NFIC: variants seen among roughly 807,000 people sequenced by gnomAD.
NFIC encodes nuclear factor 1 C-type.
NFIC carries 12 observed loss-of-function variants against 54.4 expected under a neutral mutation model. The ratio of observed to expected loss-of-function variants is 0.22; its 90% CI spans 0.14 to 0.36. The LOEUF (loss-of-function observed/expected upper bound fraction) is 0.36. Among genes scored for constraint, NFIC ranks in the 10% least tolerant of loss-of-function variants. The pLI is 1.00. For missense variants in NFIC, 575 were observed against 718.2 expected (o/e 0.80, Z 2.28); for synonymous variants, 322 against 319.2 (o/e 1.01, Z -0.09).
chr19:3,460,808 C>G (rs1278134636), intron 10 of NFIC, among the ~76,000 whole-genome samples: 2 of 152,050 alleles, frequency 1.3e-5, no homozygotes, highest in Admixed American at 6.5e-5. Context: ...GCCACCGAGC[C>G]CAGCCTCTTG....
chr19:3,464,899 G>A lies in NFIC; in HGVS notation c.*2130G>A, dbSNP rs2082696398. 5.8e-6 allele frequency: 1 copy of A among 172,760 alleles called. No homozygotes were observed. Among genetic ancestry groups the A allele is most frequent in the African/African-American group, 2.4e-5 (1 of 41,724 alleles). The allele number at this position is 172,760 out of a possible 1,614,324, so 10.7% of individuals were successfully genotyped here. On this transcript the variant is annotated 3_prime_UTR_variant, in exon 11 of 11. Transcript: ENST00000443272. ...GGGCGGGGGAGGGGGTGGTCGGGTT[G>A]TGCCATTGGGGTGTCCGGAAGCTTC...
rs563036209 is a variant in NFIC, at chr19:3,385,035, C to T, written c.562+2792C>T. On this transcript the variant is annotated intron_variant, in intron 2 of 10. Coordinates refer to ENST00000443272, the MANE Select transcript of NFIC (RefSeq NM_001245002.2). Reference sequence around the variant, plus strand: ...CTCCCCACCCCCACCCTGCCCCTCCCGCCTCTGCTCAGCAGGCAGGCCTGT... The same window carrying T: ...CTCCCCACCCCCACCCTGCCCCTCCTGCCTCTGCTCAGCAGGCAGGCCTGT... Among the ~76,000 whole-genome samples, 845 of 150,766 alleles carry T rather than the reference C, an allele frequency of 5.6e-3. 10 individuals carry two copies. Among genetic ancestry groups the T allele is most frequent in the African/African-American group, 0.02 (810 of 40,820 alleles).
intron 2 of NFIC, among the ~76,000 whole-genome samples, chr19:3,402,285 G>A (rs1346135574): frequency 6.6e-6 from 1 of 152,114 alleles, no homozygotes; most frequent in Non-Finnish European, 1.5e-5. Flanking sequence ...CTGACCTCAG[G>A]TGATCCACCC....
chr19:3,464,704 C>T lies in NFIC; in HGVS notation c.*1935C>T, dbSNP rs1041540813. 39 of 985,170 alleles carry T rather than the reference C, an allele frequency of 4.0e-5. No homozygotes were observed. The highest frequency in any genetic ancestry group is 4.6e-5 in the Non-Finnish European group (38 of 830,076). 61.0% of individuals were successfully genotyped at this position (985,170 alleles called of 1,614,324 possible). On this transcript the variant is annotated 3_prime_UTR_variant, in exon 11 of 11. Coordinates refer to ENST00000443272, the MANE Select transcript of NFIC (RefSeq NM_001245002.2). ...TCCCAAACTAGCCTCAGGAGCTTGG[C>T]GAACCCGCTCGCTCCTAAAGAGAAA...
At chr19:3,362,377 T>C (rs998052518), upstream of NFIC, among the ~76,000 whole-genome samples, 1 of 151,132 alleles carries the variant, frequency 6.6e-6, no homozygotes, top group Non-Finnish European at 1.5e-5. Context: ...GTTGGGAGGG[T>C]GTGTTTGTGG....
chr19:3,365,582 T>C (rs2080869571), upstream of NFIC, among the ~76,000 whole-genome samples: 1 of 152,146 alleles, frequency 6.6e-6, no homozygotes, highest in Non-Finnish European at 1.5e-5. Context: ...GAATGTGGGC[T>C]CCAGGTCCAG....
At position 3,452,766 on chromosome 19, in the gene NFIC, T is replaced by C; in HGVS notation, c.1269+100T>C. 7.1e-7 allele frequency: 1 copy of C among 1,404,144 alleles called. No homozygotes were observed. Among genetic ancestry groups the C allele is most frequent in the Non-Finnish European group, 9.6e-7 (1 of 1,047,106 alleles). The allele number at this position is 1,404,144 out of a possible 1,614,324, so 87.0% of individuals were successfully genotyped here. On this transcript the variant is annotated intron_variant, in intron 8 of 10. Coordinates refer to ENST00000443272, the MANE Select transcript of NFIC (RefSeq NM_001245002.2). The surrounding 1 kb of genome is among the most constrained non-coding windows in gnomAD (Gnocchi z 5.3). ...AAGGCACAACCTCTGCTTAAAAGGGTCTTGAGGACTTGGCTCTGAAGTCCC... is the reference window on the plus strand; with the variant it reads ...AAGGCACAACCTCTGCTTAAAAGGGCCTTGAGGACTTGGCTCTGAAGTCCC...
chr19:3,397,682 C>T (rs1327284378), intron 2 of NFIC, among the ~76,000 whole-genome samples: 1 of 58,156 alleles, frequency 1.7e-5, no homozygotes, highest in African/African-American at 3.2e-5. Context: ...GTGGCGGCAA[C>T]GGGGCAGCTG....
intron 5 of NFIC, 101 bp from the exon 6 acceptor site, chr19:3,434,982 G>GC (rs1324223329): frequency 1.4e-5 from 19 of 1,393,596 alleles, no homozygotes; most frequent in Admixed American, 2.6e-5. Flanking sequence ...TACCTCCCTC[G>GC]CCCCCGCTCA....
Position 3,366,636 on chromosome 19 carries a change from G to A in NFIC, c.-1G>A, listed in dbSNP as rs1322536444. ...GCCCTGCGCCTCCCGCCGCGCCCGG[G>A]ATGTATTCGTCCCCGCTCTGCCTCA... is the stretch of plus-strand genomic sequence containing the variant. On this transcript the variant is annotated 5_prime_UTR_variant, in exon 1 of 11. Coordinates refer to ENST00000443272, the MANE Select transcript of NFIC (RefSeq NM_001245002.2). The A allele has an allele frequency of 4.0e-6, 6 of 1,499,534 alleles. No homozygotes were observed. The highest frequency in any genetic ancestry group is 5.3e-6 in the Non-Finnish European group (6 of 1,130,916). The allele number at this position is 1,499,534 out of a possible 1,614,324, so 92.9% of individuals were successfully genotyped here.
chr19:3,389,939 G>A (rs897841814), intron 2 of NFIC, among the ~76,000 whole-genome samples: 10 of 152,220 alleles, frequency 6.6e-5, no homozygotes, highest in African/African-American at 1.9e-4. Flanking sequence ...AACCGAGATT[G>A]CGCCATTGCG....
intron 2 of NFIC, among the ~76,000 whole-genome samples, chr19:3,422,816 A>C (rs1052686487): frequency 6.6e-6 from 1 of 152,148 alleles, no homozygotes; most frequent in South Asian, 2.1e-4. Flanking sequence ...AAAACTGTAG[A>C]TAAAATAACC....
intron 3 of NFIC, among the ~76,000 whole-genome samples, chr19:3,426,966 G>A (rs377134150): frequency 1.6e-4 from 22 of 136,846 alleles, no homozygotes; most frequent in Middle Eastern, 4.2e-3. Flanking sequence ...AGGCTCTGTC[G>A]CCCAGGCTAG....
At chr19:3,443,570 A>T (rs1257486747) in intron 6 of NFIC, among the ~76,000 whole-genome samples, 4 of 151,984 alleles carry the variant, frequency 2.6e-5, no homozygotes, top group African/African-American at 9.7e-5. Context: ...GTGGATTTCA[A>T]TGTGTGCAGC....
intron 2 of NFIC, among the ~76,000 whole-genome samples, chr19:3,407,526 C>A (rs560367237): frequency 1.3e-5 from 2 of 152,206 alleles, no homozygotes; most frequent in East Asian, 3.9e-4. Context: ...CCTCTGCCTC[C>A]CGGGTTCGAG....
chr19:3,454,554 C>T (rs1030589672), intron 9 of NFIC, among the ~76,000 whole-genome samples: 1 of 152,096 alleles, frequency 6.6e-6, no homozygotes. Context: ...GATGGCCCCT[C>T]GGTCCTGGCA....
At position 3,464,335 on chromosome 19, in the gene NFIC, C is replaced by T. The variant is rs1489057732; in HGVS notation, c.*1566C>T. On this transcript the variant is annotated 3_prime_UTR_variant, in exon 11 of 11. Coordinates refer to ENST00000443272, the MANE Select transcript of NFIC (RefSeq NM_001245002.2). The stretch of plus-strand genomic sequence containing the variant: ...CGCAGCCGTGTAGGGGGCCTCCCAT[C>T]TGCTAAGCGTTTTTCCGTTGAGCCG... 1.0e-6 allele frequency: 1 copy of T among 985,094 alleles called. No individual in the cohort carries two copies. Among genetic ancestry groups the T allele is most frequent in the Non-Finnish European group, 1.2e-6 (1 of 829,852 alleles). The allele number at this position is 985,094 out of a possible 1,614,324, so 61.0% of individuals were successfully genotyped here. A position where few individuals can be genotyped will look rare whatever the true frequency, so the allele number is the denominator to read the frequency against.
At chr19:3,405,484 GC>G (rs1374922932) in intron 2 of NFIC, among the ~76,000 whole-genome samples, 1 of 152,212 alleles carries the variant, frequency 6.6e-6, no homozygotes, top group Non-Finnish European at 1.5e-5. Context: ...CACAGCACTG[GC>G]AAAACTGACA....
At chr19:3,360,088 C>T (rs968133014) in intron 1 of NFIC, among the ~76,000 whole-genome samples, 14 of 147,316 alleles carry the variant, frequency 9.5e-5, no homozygotes, top group Non-Finnish European at 1.7e-4. Flanking sequence ...GGAGCCCGGG[C>T]CAGGGAGGGG....
Sources: gnomAD v4.1 joint callset for allele counts (sites outside exome capture counted in the v4.1 genomes callset) on GRCh38, gnomAD v4.1.1 for gene constraint, Gnocchi (gnomAD v3.1) non-coding constraint, MANE v1.5 for transcripts, NCBI Gene and HGNC (gene_info 2026-07-23, HGNC 2026-07-21) for gene names.